The following DCTN6 variants were observed in gnomAD, a reference collection of about 807,000 sequenced individuals.
The protein encoded by DCTN6 is dynactin subunit 6.
In DCTN6, 15 loss-of-function variants were observed where a neutral mutation model predicts 25.8. That is an observed-to-expected ratio of 0.58 (90% CI 0.39 to 0.89). The LOEUF is 0.89. DCTN6 is among the 40% of genes least tolerant of loss of function. The probability of loss-of-function intolerance (pLI) is 0.00; values close to 1 mark genes in which losing one functional copy is unlikely to be tolerated. For synonymous variants in DCTN6, 64 were observed against 78.3 expected (o/e 0.82, Z 0.96); for missense variants, 198 against 237.6 (o/e 0.83, Z 1.09).
chr8:30,156,543 G>C (rs1803527859), intron 1 of DCTN6, 137 bp downstream of exon 1: 1 of 1,057,222 alleles, frequency 9.5e-7, no homozygotes, highest in African/African-American at 1.6e-5. Flanking sequence ...CCCAGACCTG[G>C]CGTCCACTGA....
rs1803846309 is a variant in DCTN6 at position 30,177,134 on chromosome 8, A to G, written c.203A>G (p.Asp68Gly). The G allele has an allele frequency of 6.2e-7, 1 of 1,612,374 alleles. No homozygotes were observed. The highest frequency in any genetic ancestry group is 8.5e-7 in the Non-Finnish European group (1 of 1,178,980). The change falls in exon 4 of 7, where the codon GAT becomes GGT. Residue 68 changes from aspartate (D) to glycine (G), a missense_variant. Coordinates refer to ENST00000221114, the MANE Select transcript of DCTN6 (RefSeq NM_006571.4). ...EQALIINAYPDNITPDTEDPE... is the reference protein window; with the variant it reads ...EQALIINAYPGNITPDTEDPE... ...GTTTCTTCTGTTTACAGTTACCCAG[A>G]TAATATCACTCCTGACACTGAAGAT...
At chr8:30,167,126 G>A (rs1375461739) in intron 2 of DCTN6, among the ~76,000 whole-genome samples, 1 of 151,042 alleles carries the variant, frequency 6.6e-6, no homozygotes, top group African/African-American at 2.4e-5. Context: ...AGGGAAGGAA[G>A]GAAGGAGAAA....
chr8:30,170,323 T>C (rs1157905577), intron 2 of DCTN6, among the ~76,000 whole-genome samples: 2 of 152,240 alleles, frequency 1.3e-5, no homozygotes, highest in Non-Finnish European at 2.9e-5. Context: ...ACATTTGCTG[T>C]CACCTCACAA....
At chr8:30,182,962 T>A (rs757801441) in intron 6 of DCTN6, 113 bp from the exon 7 acceptor site, 93 of 772,110 alleles carry the variant, frequency 1.2e-4, no homozygotes, top group Non-Finnish European at 9.3e-5. Flanking sequence ...CATCCTCCTG[T>A]CTGGGCCTCC....
At chr8:30,159,864 C>T (rs913887177) in intron 1 of DCTN6, among the ~76,000 whole-genome samples, 4 of 151,654 alleles carry the variant, frequency 2.6e-5, no homozygotes, top group African/African-American at 4.9e-5. Context: ...TGGGCTCAAG[C>T]GATCCTCCCG....
chr8:30,177,101 G>T (rs1350085851), intron 3 of DCTN6, 25 bp from the exon 4 acceptor site: 1 of 1,576,534 alleles, frequency 6.3e-7, no homozygotes, highest in African/African-American at 1.4e-5. Flanking sequence ...TGACTTTTTG[G>T]ATGATTTGTT....
At position 30,180,637 on chromosome 8, in the gene DCTN6, G is replaced by A; in HGVS notation, c.474+7G>A. ...GCAGACTGAGCGACCGCAGGTACTA[G>A]AACCTCTCTTTAAAAAGAGTTCTAT... On this transcript the variant is annotated splice_region_variant and intron_variant, in intron 6 of 6. Coordinates refer to ENST00000221114, the MANE Select transcript of DCTN6 (RefSeq NM_006571.4). 4.3e-6 allele frequency: 7 copies of A among 1,613,044 alleles called. No individual in the cohort carries two copies. The highest frequency in any genetic ancestry group is 1.1e-5 in the South Asian group (1 of 90,810).
chr8:30,164,328 TG>T (rs1473932629), intron 2 of DCTN6, among the ~76,000 whole-genome samples, 153 bp downstream of exon 2: 1 of 152,246 alleles, frequency 6.6e-6, no homozygotes, highest in Non-Finnish European at 1.5e-5. Flanking sequence ...TTTAAATTTC[TG>T]AAAGAATGTA....
At chr8:30,179,337 T>G (rs1803883731) in intron 4 of DCTN6, 71 bp from the exon 5 acceptor site, 2 of 1,315,210 alleles carry the variant, frequency 1.5e-6, no homozygotes, top group Non-Finnish European at 2.1e-6. Flanking sequence ...CAGTGCAATG[T>G]AAGTACATAC....
intron 4 of DCTN6, among the ~76,000 whole-genome samples, chr8:30,177,795 A>T (rs899786850): frequency 4.6e-5 from 7 of 152,248 alleles, no homozygotes; most frequent in Non-Finnish European, 7.3e-5. Flanking sequence ...TATATATTTT[A>T]AAAATGGTCC....
chr8:30,175,970 C>T (rs1803827168), intron 3 of DCTN6, among the ~76,000 whole-genome samples: 1 of 152,218 alleles, frequency 6.6e-6, no homozygotes, highest in East Asian at 1.9e-4. Context: ...TCTGCAGTAA[C>T]TCAACTGTCA....
At chr8:30,180,963 T>A in intron 6 of DCTN6, 1 of 339,772 alleles carries the variant, frequency 2.9e-6, no homozygotes. Context: ...GAGTGTGAGG[T>A]TACCATGAGC....
chr8:30,177,077 G>A, intron 3 of DCTN6, 49 bp from the exon 4 acceptor site: 1 of 1,474,304 alleles, frequency 6.8e-7, no homozygotes, highest in Non-Finnish European at 9.4e-7. Context: ...GAAGAAAATT[G>A]CTTATTGTGT....
intron 2 of DCTN6, among the ~76,000 whole-genome samples, chr8:30,168,989 T>C (rs753185522): frequency 5.9e-5 from 9 of 152,232 alleles, no homozygotes; most frequent in Non-Finnish European, 1.0e-4. Flanking sequence ...AAAGGTACCT[T>C]GAAGCACCGT....
intron 2 of DCTN6, among the ~76,000 whole-genome samples, chr8:30,169,059 G>A (rs1803725428): frequency 6.6e-6 from 1 of 152,244 alleles, no homozygotes; most frequent in African/African-American, 2.4e-5. Context: ...ATCAGTATGT[G>A]AAGGCGGAAC....
At chr8:30,159,521 G>A (rs1359599684) in intron 1 of DCTN6, among the ~76,000 whole-genome samples, 1 of 152,134 alleles carries the variant, frequency 6.6e-6, no homozygotes, top group East Asian at 1.9e-4. Context: ...TCTCAGAGCT[G>A]TATTTTTAGA....
intron 1 of DCTN6, among the ~76,000 whole-genome samples, chr8:30,159,735 C>T (rs1585497596): frequency 6.6e-6 from 1 of 151,310 alleles, no homozygotes; most frequent in African/African-American, 2.4e-5. Flanking sequence ...TGACCTTGCT[C>T]CCTAGCTCCA....
intron 4 of DCTN6, 48 bp from the exon 5 acceptor site, chr8:30,179,360 G>A (rs756517627): frequency 1.2e-5 from 18 of 1,505,492 alleles, no homozygotes; most frequent in Non-Finnish European, 1.5e-5. Flanking sequence ...TGTTAGTGGG[G>A]ACTAAAGATG....
At chr8:30,171,672 A>C (rs1196368276) in intron 2 of DCTN6, among the ~76,000 whole-genome samples, 1 of 152,234 alleles carries the variant, frequency 6.6e-6, no homozygotes, top group Non-Finnish European at 1.5e-5. Context: ...TTACCCTGAT[A>C]CCTGAGTAGA....
Sources: allele counts gnomAD v4.1 joint callset (sites outside exome capture counted in the v4.1 genomes callset), GRCh38; gene constraint gnomAD v4.1.1; transcripts MANE v1.5; gene names NCBI Gene and HGNC (gene_info 2026-07-23, HGNC 2026-07-21).